GREB1L: variants seen among roughly 807,000 people sequenced by gnomAD.
GREB1L encodes the protein GREB1 like retinoic acid receptor coactivator.
A neutral mutation model predicts 200.8 loss-of-function variants in GREB1L; 17 were observed. The ratio of observed to expected loss-of-function variants is 0.08; its 90% CI spans 0.06 to 0.13. The LOEUF (loss-of-function observed/expected upper bound fraction) is 0.13, where lower values mean the gene tolerates loss of function less well. GREB1L is among the 10% of genes least tolerant of loss of function. The pLI is 1.00. For synonymous variants in GREB1L, 789 were observed against 893.0 expected (o/e 0.88, Z 2.08); for missense variants, 1,657 against 2,367.7 (o/e 0.70, Z 6.23).
intron 1 of GREB1L, among the ~76,000 whole-genome samples, chr18:21,334,255 GTTT>G (rs1275096822): frequency 6.6e-6 from 1 of 152,096 alleles, no homozygotes; most frequent in Non-Finnish European, 1.5e-5. Flanking sequence ...AGTGAGTCTT[GTTT>G]TAATTCCACT....
intron 1 of GREB1L, among the ~76,000 whole-genome samples, chr18:21,318,641 C>T (rs538756298): frequency 1.3e-5 from 2 of 152,304 alleles, no homozygotes; most frequent in Admixed American, 6.5e-5. Flanking sequence ...CTATACTCTA[C>T]CTTCCTAAAG....
intron 1 of GREB1L, among the ~76,000 whole-genome samples, chr18:21,247,994 G>T (rs2037635793): frequency 2.0e-5 from 3 of 152,220 alleles, no homozygotes; most frequent in Admixed American, 2.0e-4. Flanking sequence ...CACTAAAAAA[G>T]TATTCTCCTA....
At chr18:21,397,246 G>A (rs938050758) in intron 5 of GREB1L, among the ~76,000 whole-genome samples, 1 of 151,826 alleles carries the variant, frequency 6.6e-6, no homozygotes, top group Non-Finnish European at 1.5e-5. Context: ...TGTAATCCCA[G>A]CACTTTGGGA....
chr18:21,390,940 T>C (rs1475855209), intron 4 of GREB1L, among the ~76,000 whole-genome samples: 1 of 152,230 alleles, frequency 6.6e-6, no homozygotes, highest in East Asian at 1.9e-4. Flanking sequence ...TATACAGCTA[T>C]ACAAAGTGTT....
chr18:21,276,846 G>A (rs1415517299), intron 1 of GREB1L, among the ~76,000 whole-genome samples: 2 of 151,372 alleles, frequency 1.3e-5, no homozygotes, highest in East Asian at 1.9e-4. Context: ...AAGAAAGGAA[G>A]CGTTTTTGAT....
At chr18:21,266,402 A>C (rs1278126029) in intron 1 of GREB1L, among the ~76,000 whole-genome samples, 2 of 152,180 alleles carry the variant, frequency 1.3e-5, no homozygotes, top group African/African-American at 4.8e-5. Context: ...ATGCAGCTGG[A>C]ATTAGATTTA....
intron 7 of GREB1L, among the ~76,000 whole-genome samples, chr18:21,438,404 C>T (rs1568011144): frequency 6.6e-6 from 1 of 152,106 alleles, no homozygotes; most frequent in Non-Finnish European, 1.5e-5. Context: ...GTGGCTCACA[C>T]CTGTAATCCC....
intron 1 of GREB1L, among the ~76,000 whole-genome samples, chr18:21,351,139 T>C (rs1165817947): frequency 6.6e-6 from 1 of 152,184 alleles, no homozygotes; most frequent in Non-Finnish European, 1.5e-5. Context: ...TTCAAATAGG[T>C]TTTTTTCCTT....
chr18:21,351,870 C>T (rs1479951426), intron 1 of GREB1L, among the ~76,000 whole-genome samples: 2 of 151,854 alleles, frequency 1.3e-5, no homozygotes, highest in African/African-American at 2.4e-5. Context: ...TTTTCTGAGA[C>T]AGAGTCTCAA....
In GREB1L at chr18:21,500,314, C is replaced by G. The variant is rs1482898047; in HGVS notation, c.3969+8C>G. The G allele has an allele frequency of 8.7e-7, 1 of 1,148,660 alleles. No individual in the cohort carries two copies. Among genetic ancestry groups the G allele is most frequent in the Non-Finnish European group, 1.3e-6 (1 of 794,902 alleles). The allele number at this position is 1,148,660 out of a possible 1,614,324, so 71.2% of individuals were successfully genotyped here. On this transcript the variant is annotated splice_region_variant and intron_variant, in intron 22 of 32. Transcript: ENST00000424526. ...CTGACAGGGCCCCCACAGGTAGGGCCAAGCCAGCCGGGGCCGTTTCTTAGG... is the reference window on the plus strand; with the variant it reads ...CTGACAGGGCCCCCACAGGTAGGGCGAAGCCAGCCGGGGCCGTTTCTTAGG...
At chr18:21,383,852 AC>A (rs11294889) in intron 3 of GREB1L, among the ~76,000 whole-genome samples, 177 bp downstream of exon 3, 22,299 of 151,880 alleles carry the variant, frequency 0.15, 3,522 homozygotes, top group African/African-American at 0.39. Context: ...AGCTGGGATT[AC>A]AGGTGCACGC....
intron 28 of GREB1L, 92 bp downstream of exon 28, chr18:21,514,078 GAGAC>G: frequency 1.6e-6 from 2 of 1,271,714 alleles, no homozygotes; most frequent in South Asian, 3.1e-5. Flanking sequence ...AAGAAAGAGA[GAGAC>G]AGCTTTCCAG....
intron 5 of GREB1L, among the ~76,000 whole-genome samples, chr18:21,396,614 C>G (rs1009886392): frequency 6.6e-6 from 1 of 152,068 alleles, no homozygotes; most frequent in Non-Finnish European, 1.5e-5. Flanking sequence ...ATATTTCTAT[C>G]TATACTTGTG....
chr18:21,473,396 C>G (rs1443981720), intron 16 of GREB1L, among the ~76,000 whole-genome samples, 185 bp downstream of exon 16: 2 of 151,944 alleles, frequency 1.3e-5, no homozygotes, highest in Non-Finnish European at 2.9e-5. Flanking sequence ...ATGGTGAAAC[C>G]CCATCTCTGC....
At chr18:21,380,045 T>G (rs1019110039) in intron 2 of GREB1L, among the ~76,000 whole-genome samples, 1 of 152,214 alleles carries the variant, frequency 6.6e-6, no homozygotes, top group African/African-American at 2.4e-5. Context: ...CAATTTAAAT[T>G]CATGGCATTT....
At chr18:21,437,795 A>C (rs1198841452) in intron 7 of GREB1L, among the ~76,000 whole-genome samples, 2 of 152,242 alleles carry the variant, frequency 1.3e-5, no homozygotes, top group Non-Finnish European at 2.9e-5. Context: ...CAGTATGTGC[A>C]TCTTTTTTGA....
chr18:21,421,682 C>T (rs531269935), intron 7 of GREB1L, among the ~76,000 whole-genome samples: 80 of 152,258 alleles, frequency 5.3e-4, no homozygotes, highest in African/African-American at 1.9e-3. Flanking sequence ...TAAACATGTT[C>T]ATTGCTACTG....
intron 1 of GREB1L, among the ~76,000 whole-genome samples, chr18:21,243,648 C>A (rs1160458829): frequency 6.6e-6 from 1 of 152,192 alleles, no homozygotes; most frequent in African/African-American, 2.4e-5. Context: ...GACTTTAAAT[C>A]CTGGAACTCT....
intron 1 of GREB1L, among the ~76,000 whole-genome samples, chr18:21,329,473 T>C (rs889758755): frequency 2.6e-5 from 4 of 152,118 alleles, no homozygotes; most frequent in African/African-American, 4.8e-5. Flanking sequence ...ATGAATGATT[T>C]AACTCCAAGG....
Sources: gnomAD v4.1 joint callset for allele counts (sites outside exome capture counted in the v4.1 genomes callset) on GRCh38, gnomAD v4.1.1 for gene constraint, MANE v1.5 for transcripts, NCBI Gene and HGNC (gene_info 2026-07-23, HGNC 2026-07-21) for gene names.